The following ECSCR variants were observed in gnomAD, a reference collection of about 807,000 sequenced individuals.
ECSCR encodes the protein endothelial cell surface expressed chemotaxis and apoptosis regulator.
In ECSCR, 12 loss-of-function variants were observed where a neutral mutation model predicts 16.7. The observed-to-expected ratio is 0.72, with a 90% CI of 0.46 to 1.17. ECSCR has a LOEUF of 1.17. Ranked by LOEUF, ECSCR falls within the 50% of genes most tolerant of loss-of-function variation. The pLI is 0.00. For missense variants in ECSCR, 122 were observed against 116.1 expected, an observed-to-expected ratio of 1.05 and a Z score of -0.23; for synonymous variants, 44 against 42.2, an observed-to-expected ratio of 1.04 and a Z score of -0.17.
chr5:139,454,064 G>A (rs982691147), intron 8 of ECSCR, among the ~76,000 whole-genome samples: 1 of 144,434 alleles, frequency 6.9e-6, no homozygotes, highest in Non-Finnish European at 1.5e-5. Flanking sequence ...GTGTGTAGTG[G>A]GGTGTGTGGT....
chr5:139,454,350 T>C (rs1204302785), intron 8 of ECSCR, among the ~76,000 whole-genome samples: 1 of 143,350 alleles, frequency 7.0e-6, no homozygotes, highest in Non-Finnish European at 1.5e-5. Flanking sequence ...ATGTATGTAA[T>C]GTGTGTGGTG....
At position 139,456,242 on chromosome 5, in the gene ECSCR, G is replaced by A. The variant is rs891174842; in HGVS notation, c.262+232C>T. Among the ~76,000 whole-genome samples the A allele has an allele frequency of 2.4e-3, 362 of 152,204 alleles. 2 individuals are homozygous for A. Among genetic ancestry groups the A allele is most frequent in the Non-Finnish European group, 6.0e-4 (41 of 68,008 alleles). On this transcript the variant is annotated intron_variant, in intron 5 of 9. Transcript: ENST00000618155. ...CGCACCGCTGCACTCCAGCCTGGAC[G>A]ACAGAACAAGACTCCTTCTCAACAA...
rs1379040888 is a variant in ECSCR, at chr5:139,462,409, A to C, written c.61+201T>G. Among the ~76,000 whole-genome samples the C allele has an allele frequency of 4.6e-5, 7 of 152,128 alleles. No homozygotes were observed. The East Asian group carries it at 1.3e-3, about 29-fold the overall frequency. On this transcript the variant is annotated intron_variant, in intron 1 of 9. Coordinates refer to ENST00000618155, the MANE Select transcript of ECSCR (RefSeq NM_001077693.4). ...CTCCCCCAGGACAATTTCCCACAAG[A>C]GGGTTTAACCGTAGCTCCATTTTAC...
In ECSCR at chr5:139,455,429, A is replaced by C. The variant is rs1009596611; in HGVS notation, c.270T>G (p.Phe90Leu). ...GRDGGTSRDT[F>L]QTVPPNSTTM... Reference sequence around the variant, plus strand: ...TGGTTGAATTGGGGGGAACAGTTTGAAATGTGTCTAAAATGGAGTGGAGTC... The same window carrying C: ...TGGTTGAATTGGGGGGAACAGTTTGCAATGTGTCTAAAATGGAGTGGAGTC... The change falls in exon 6 of 10, where the codon TTT becomes TTG. Residue 90 changes from phenylalanine (F) to leucine (L), a missense_variant. Physicochemically the swap from Phe to Leu is conservative, Grantham distance 22. Transcript: ENST00000618155. 5.0e-6 allele frequency: 2 copies of C among 398,448 alleles called. No individual in the cohort carries two copies. The highest frequency in any genetic ancestry group is 4.1e-5 in the African/African-American group (2 of 48,714). The allele number at this position is 398,448 out of a possible 1,614,324, so 24.7% of individuals were successfully genotyped here.
chr5:139,448,906 A>C lies in ECSCR; in HGVS notation c.612T>G (p.Val204=), dbSNP rs201309923. The C allele has an allele frequency of 1.2e-4, 183 of 1,537,148 alleles. No homozygotes were observed. Among genetic ancestry groups the C allele is most frequent in the Admixed American group, 1.8e-4 (9 of 50,980 alleles). Residue 204 remains valine, a splice_region_variant and synonymous_variant, in exon 10 of 10, where the codon GTT becomes GTG. Coordinates refer to ENST00000618155, the MANE Select transcript of ECSCR (RefSeq NM_001077693.4). ...TGGGGACCCAAAGTTGCTTTTAAAG[A>C]ACCTGCAAAATAAATGCATAATGGG... ...NGKQSLSAEK[V]L
chr5:139,457,453 G>A (rs1280937510), intron 4 of ECSCR, 92 bp downstream of exon 4: 49 of 774,228 alleles, frequency 6.3e-5, no homozygotes, highest in African/African-American at 4.1e-4. Context: ...GTTCCCGCTC[G>A]CCCCAGTCTA....
At chr5:139,457,974 A>G (rs1025627873) in intron 2 of ECSCR, 165 bp downstream of exon 2, 15 of 617,792 alleles carry the variant, frequency 2.4e-5, no homozygotes, top group Non-Finnish European at 2.8e-5. Flanking sequence ...AGCTAGGCTG[A>G]AAAAAAATCC....
At chr5:139,452,260 ATATGTGTATAGTGTGGGGTGTGGGGT>A (rs1751073240) in intron 8 of ECSCR, among the ~76,000 whole-genome samples, 6 of 22,456 alleles carry the variant, frequency 2.7e-4, no homozygotes, top group Admixed American at 4.9e-4. Flanking sequence ...GTGTGTGGGT[ATATGTGTATAGTGTGGGGTGTGGGGT>A]GTGTGGTAGG....
intron 1 of ECSCR, among the ~76,000 whole-genome samples, chr5:139,460,476 T>C (rs1228035906): frequency 6.6e-6 from 1 of 152,130 alleles, no homozygotes; most frequent in Non-Finnish European, 1.5e-5. Context: ...ACTTAGTTTT[T>C]GGTGGGAAGG....
At chr5:139,462,041 C>T (rs1389474596) in intron 1 of ECSCR, among the ~76,000 whole-genome samples, 2 of 152,170 alleles carry the variant, frequency 1.3e-5, no homozygotes, top group Non-Finnish European at 2.9e-5. Flanking sequence ...TCTACTCTAG[C>T]CCCCTGGATG....
In ECSCR at chr5:139,462,721, A is replaced by G. The variant is rs1405480094; in HGVS notation, c.-51T>C. ...CAGCAGCTCAGTGGAGGCTCTGTCC[A>G]TAGTGGAGAAGAGAGAGGGAGTGCT... is the stretch of plus-strand genomic sequence containing the variant. On this transcript the variant is annotated 5_prime_UTR_variant, in exon 1 of 10. It removes an upstream start codon present in the reference 5' UTR. Coordinates refer to ENST00000618155, the MANE Select transcript of ECSCR (RefSeq NM_001077693.4). 1 of 969,196 alleles carries G rather than the reference A, an allele frequency of 1.0e-6. No individual in the cohort carries two copies. Among genetic ancestry groups the G allele is most frequent in the African/African-American group, 1.7e-5 (1 of 58,828 alleles). The allele number at this position is 969,196 out of a possible 1,614,324, so 60.0% of individuals were successfully genotyped here.
chr5:139,458,516 A>C (rs1581436958), intron 1 of ECSCR, among the ~76,000 whole-genome samples: 2 of 50,066 alleles, frequency 4.0e-5, no homozygotes, highest in African/African-American at 7.4e-5. Context: ...AAAAAAAAAA[A>C]AAAAAAAAAA....
chr5:139,461,455 C>A (rs1271425941), intron 1 of ECSCR, among the ~76,000 whole-genome samples: 1 of 152,076 alleles, frequency 6.6e-6, no homozygotes, highest in Admixed American at 6.6e-5. Context: ...AAACTCGGGG[C>A]GGGTGACAGC....
At chr5:139,462,523 G>C in intron 1 of ECSCR, 87 bp downstream of exon 1, 1 of 1,341,602 alleles carries the variant, frequency 7.5e-7, no homozygotes, top group Non-Finnish European at 1.0e-6. Flanking sequence ...TGGATGGAAA[G>C]CATGTGTCTC....
intron 8 of ECSCR, among the ~76,000 whole-genome samples, chr5:139,449,854 T>C (rs1001967600): frequency 1.3e-5 from 2 of 151,988 alleles, no homozygotes; most frequent in African/African-American, 4.8e-5. Context: ...CCCAAAGTAC[T>C]GAGATTACAG....
Position 139,449,104 on chromosome 5 carries a change from C to T in ECSCR, c.583G>A (p.Gly195Ser). The change falls in exon 9 of 10, where the codon GGC becomes AGC. Residue 195 changes from glycine to serine, a missense_variant. Coordinates refer to ENST00000618155, the MANE Select transcript of ECSCR (RefSeq NM_001077693.4). ...TTCTCTGCTGAGAGACTTTGTTTGC[C>T]ATTATTCATGTTGATGTTCTTCATG... is the stretch of plus-strand genomic sequence containing the variant. ...ISMKNINMNNGKQSLSAEKVL is the reference protein window; with the variant it reads ...ISMKNINMNNSKQSLSAEKVL 6.5e-7 allele frequency: 1 copy of T among 1,537,088 alleles called. No individual in the cohort carries two copies. The highest frequency in any genetic ancestry group is 1.2e-5 in the South Asian group (1 of 84,040).
chr5:139,458,604 A>C (rs1751222214), intron 1 of ECSCR, among the ~76,000 whole-genome samples: 1 of 150,234 alleles, frequency 6.7e-6, no homozygotes, highest in African/African-American at 2.4e-5. Flanking sequence ...CCCAGCACTT[A>C]GGGAGGCTGA....
At chr5:139,455,181 CCCT>C in intron 6 of ECSCR, 139 bp downstream of exon 6, 1 of 245,144 alleles carries the variant, frequency 4.1e-6, no homozygotes. Context: ...GCAGGGGCCC[CCCT>C]CCACAAGGGT....
intron 3 of ECSCR, 61 bp downstream of exon 3, chr5:139,457,696 G>T: frequency 6.3e-7 from 1 of 1,592,100 alleles, no homozygotes; most frequent in Non-Finnish European, 8.6e-7. Context: ...TGGGCTCCAA[G>T]CAGGTCTGAA....
Sources: gnomAD v4.1 joint callset for allele counts (sites outside exome capture counted in the v4.1 genomes callset) on GRCh38, gnomAD v4.1.1 for gene constraint, MANE v1.5 for transcripts, NCBI Gene and HGNC (gene_info 2026-07-23, HGNC 2026-07-21) for gene names.